Variants in RNF38 observed in about 807,000 individuals in gnomAD.
RNF38 encodes E3 ubiquitin-protein ligase RNF38.
A neutral mutation model predicts 67.2 loss-of-function variants in RNF38; 15 were observed. That is an observed-to-expected ratio of 0.22 (90% CI 0.15 to 0.34). RNF38 has a LOEUF of 0.34. Ranked by LOEUF, RNF38 falls within the 10% of genes least tolerant of loss-of-function variation. RNF38 has a pLI of 1.00. For missense variants in RNF38, 524 were observed against 639.9 expected (o/e 0.82, Z 1.95); for synonymous variants, 220 against 218.8 (o/e 1.01, Z -0.05).
In RNF38 at chr9:36,363,308, T is replaced by TC. The variant is rs1485027210; in HGVS notation, c.571-5367_571-5366insG. Among the ~76,000 whole-genome samples the TC allele has an allele frequency of 2.0e-5, 2 of 100,826 alleles. 1 individual carries two copies. Among genetic ancestry groups the TC allele is most frequent in the East Asian group, 5.2e-4 (2 of 3,882 alleles). 66.1% of individuals were successfully genotyped at this position (100,826 alleles called of 152,430 possible). ...TATAAACAATCCTGTAGAAATTTTT[T>TC]TGTGTGGACATATGCACTCAATTCT... On this transcript the variant is annotated intron_variant, in intron 4 of 11. Transcript: ENST00000259605.
chr9:36,362,982 A>G (rs1300762431), intron 4 of RNF38, among the ~76,000 whole-genome samples: 1 of 95,838 alleles, frequency 1.0e-5, no homozygotes, highest in Non-Finnish European at 2.7e-5. Context: ...ACCCCAACCT[A>G]GTCTTTTGTT....
At chr9:36,467,341 T>C (rs1056575735) in intron 1 of RNF38, among the ~76,000 whole-genome samples, 4 of 150,138 alleles carry the variant, frequency 2.7e-5, no homozygotes, top group African/African-American at 9.8e-5. Flanking sequence ...AAAAATTAGA[T>C]GTCTACTTAA....
chr9:36,353,355 C>T (rs2133509868), intron 6 of RNF38, 24 bp from the exon 7 acceptor site: 2 of 1,487,876 alleles, frequency 1.3e-6, no homozygotes, highest in Non-Finnish European at 9.1e-7. Context: ...AAAAAAAACA[C>T]ATATATGTAT....
At chr9:36,376,755 G>A (rs1021196225) in intron 2 of RNF38, among the ~76,000 whole-genome samples, 3 of 151,774 alleles carry the variant, frequency 2.0e-5, no homozygotes, top group Non-Finnish European at 4.4e-5. Context: ...GTGAAATCCC[G>A]TCTCTACTAA....
intron 1 of RNF38, among the ~76,000 whole-genome samples, chr9:36,445,397 GTTAT>G (rs1041990908): frequency 6.6e-6 from 1 of 152,114 alleles, no homozygotes; most frequent in Non-Finnish European, 1.5e-5. Context: ...TTCAATAATG[GTTAT>G]TTAACTGCAT....
upstream of RNF38, among the ~76,000 whole-genome samples, chr9:36,401,889 ATTAC>A (rs984788407): frequency 2.0e-5 from 3 of 152,158 alleles, no homozygotes; most frequent in Admixed American, 6.5e-5. Context: ...TTCTTTTGGC[ATTAC>A]TTAAACCAGT....
intron 2 of RNF38, among the ~76,000 whole-genome samples, chr9:36,409,510 C>T (rs1838271309): frequency 6.6e-6 from 1 of 152,150 alleles, no homozygotes; most frequent in Non-Finnish European, 1.5e-5. Flanking sequence ...ACCAGACTGC[C>T]TGAACGTCTT....
chr9:36,409,143 C>A (rs1838253877), intron 2 of RNF38, among the ~76,000 whole-genome samples: 1 of 151,314 alleles, frequency 6.6e-6, no homozygotes, highest in East Asian at 1.9e-4. Context: ...GCCAAGATCA[C>A]ACCACTGCAC....
At chr9:36,481,016 CTTTT>C (rs1160092271) in intron 1 of RNF38, among the ~76,000 whole-genome samples, 3 of 136,178 alleles carry the variant, frequency 2.2e-5, no homozygotes, top group Admixed American at 7.4e-5. Context: ...TCTTCTCTTT[CTTTT>C]TTTTTTTTTT....
chr9:36,446,451 A>G (rs1259630534), intron 1 of RNF38, among the ~76,000 whole-genome samples: 1 of 152,218 alleles, frequency 6.6e-6, no homozygotes, highest in Non-Finnish European at 1.5e-5. Context: ...GTTTGGAAAC[A>G]ACTGTTTCTT....
At chr9:36,482,660 G>T (rs1840303293) in intron 1 of RNF38, among the ~76,000 whole-genome samples, 1 of 152,086 alleles carries the variant, frequency 6.6e-6, no homozygotes, top group African/African-American at 2.4e-5. Flanking sequence ...GCTGACAGTG[G>T]TATTTTCTAA....
chr9:36,478,689 T>C (rs1396239307), intron 1 of RNF38, among the ~76,000 whole-genome samples: 3 of 149,184 alleles, frequency 2.0e-5, no homozygotes, highest in Admixed American at 1.3e-4. Context: ...TGGTGGCTCA[T>C]GCCTGTAATT....
intron 1 of RNF38, among the ~76,000 whole-genome samples, chr9:36,428,913 G>A (rs1174456140): frequency 6.6e-6 from 1 of 152,094 alleles, no homozygotes. Flanking sequence ...GCATTTGCCT[G>A]CCATCCTAAA....
chr9:36,486,409 T>C (rs1178371076), intron 1 of RNF38, among the ~76,000 whole-genome samples: 4 of 152,180 alleles, frequency 2.6e-5, no homozygotes, highest in Non-Finnish European at 5.9e-5. Flanking sequence ...GTTCTCCAAG[T>C]GTGGTAGGTC....
chr9:36,356,750 G>A (rs888323143), intron 5 of RNF38, among the ~76,000 whole-genome samples: 2 of 150,174 alleles, frequency 1.3e-5, no homozygotes, highest in Admixed American at 6.6e-5. Context: ...GCGGGTGTGG[G>A]GGGGGCGGGG....
chr9:36,418,533 C>T (rs1444689941), intron 2 of RNF38, among the ~76,000 whole-genome samples: 1 of 151,848 alleles, frequency 6.6e-6, no homozygotes, highest in African/African-American at 2.4e-5. Flanking sequence ...TGCCTGTAAT[C>T]CCAGCACTTT....
chr9:36,465,109 A>AT (rs1839829463), intron 1 of RNF38, among the ~76,000 whole-genome samples: 1 of 152,214 alleles, frequency 6.6e-6, no homozygotes, highest in Non-Finnish European at 1.5e-5. Flanking sequence ...ATAACAGAGA[A>AT]CAAGTGTTGG....
rs150446204 is a variant in RNF38 at position 36,408,763 on chromosome 9, C to G, written n.312+15850G>C. Among the ~76,000 whole-genome samples the G allele has an allele frequency of 4.3e-3, 659 of 152,230 alleles. 2 individuals carry two copies. Among genetic ancestry groups the G allele is most frequent in the Non-Finnish European group, 6.7e-3 (456 of 68,022 alleles). ...GAGGAAAGCCAGACAAACTGTTCAA[C>G]TGAATTTAAGAAAAGCAAGCGCTCA... On this transcript the variant is annotated intron_variant and non_coding_transcript_variant, in intron 2 of 3. Transcript: ENST00000488058.
chr9:36,354,824 T>C (rs1833980217), intron 6 of RNF38, among the ~76,000 whole-genome samples: 1 of 152,224 alleles, frequency 6.6e-6, no homozygotes, highest in African/African-American at 2.4e-5. Context: ...AGTTACAGAA[T>C]AGCAACATGT....
Sources: gnomAD v4.1 joint callset for allele counts (sites outside exome capture counted in the v4.1 genomes callset) on GRCh38, gnomAD v4.1.1 for gene constraint, MANE v1.5 for transcripts, NCBI Gene and HGNC (gene_info 2026-07-23, HGNC 2026-07-21) for gene names.